Variants in NEGR1 observed in about 807,000 individuals in gnomAD.
NEGR1 encodes the protein neuronal growth regulator 1, also known as IgLON family member 4.
A neutral mutation model predicts 40.9 loss-of-function variants in NEGR1; 10 were observed. The observed-to-expected ratio is 0.24, with a 90% CI of 0.15 to 0.42. The LOEUF is 0.42. Ranked by LOEUF, NEGR1 falls within the 10% of genes least tolerant of loss-of-function variation. The pLI is 1.00. For synonymous variants in NEGR1, 185 were observed against 166.8 expected (o/e 1.11, Z -0.84); for missense variants, 352 against 438.9 (o/e 0.80, Z 1.77).
At chr1:72,079,946 T>A (rs542129429) in intron 1 of NEGR1, among the ~76,000 whole-genome samples, 21 of 152,260 alleles carry the variant, frequency 1.4e-4, no homozygotes, top group African/African-American at 4.8e-4. Flanking sequence ...AGATTATATT[T>A]GCCTATCTGA....
chr1:72,263,249 T>C (rs941532772), intron 1 of NEGR1, among the ~76,000 whole-genome samples: 5 of 151,698 alleles, frequency 3.3e-5, no homozygotes, highest in South Asian at 2.1e-4. Flanking sequence ...CACATTCATA[T>C]TAAACAGACT....
At chr1:71,933,121 C>T (rs942809082) in intron 2 of NEGR1, among the ~76,000 whole-genome samples, 2 of 152,018 alleles carry the variant, frequency 1.3e-5, no homozygotes, top group Non-Finnish European at 2.9e-5. Flanking sequence ...ACTGAAGGAA[C>T]ATTCAATAAG....
chr1:72,215,740 AAC>A lies in NEGR1; in HGVS notation c.176+66577_176+66578del. 2.0e-5 allele frequency among the ~76,000 whole-genome samples: 3 copies of A among 152,224 alleles called. No individual in the cohort carries two copies. The Middle Eastern group carries it at 0.01, about 518-fold the overall frequency. On this transcript the variant is annotated intron_variant, in intron 1 of 6. Transcript: ENST00000357731. ...GTTGGTGAGGCTGTGGAGAAATAGG[AAC>A]ACTTTTACACTCTTGGTGGGACTGT...
chr1:72,138,840 A>T (rs998093180), intron 1 of NEGR1, among the ~76,000 whole-genome samples: 1 of 151,984 alleles, frequency 6.6e-6, no homozygotes, highest in African/African-American at 2.4e-5. Flanking sequence ...ACTCTAACTC[A>T]ACCAACTTTA....
intron 2 of NEGR1, among the ~76,000 whole-genome samples, chr1:71,929,123 T>C (rs1645830304): frequency 6.6e-6 from 1 of 152,100 alleles, no homozygotes; most frequent in Non-Finnish European, 1.5e-5. Context: ...TTCTTAGAAA[T>C]GTAGCTTTGT....
intron 1 of NEGR1, among the ~76,000 whole-genome samples, chr1:72,058,558 T>C (rs1647133801): frequency 6.6e-6 from 1 of 151,684 alleles, no homozygotes; most frequent in African/African-American, 2.4e-5. Context: ...GTTTGTTTCA[T>C]GTGTACTTTT....
intron 1 of NEGR1, among the ~76,000 whole-genome samples, chr1:72,070,749 G>C (rs1647427905): frequency 6.6e-6 from 1 of 151,910 alleles, no homozygotes; most frequent in Non-Finnish European, 1.5e-5. Context: ...ACTACATTGT[G>C]GTTGTGTTTC....
chr1:71,982,645 T>G (rs779243531), intron 1 of NEGR1, among the ~76,000 whole-genome samples: 1 of 152,182 alleles, frequency 6.6e-6, no homozygotes. Context: ...ACTGATTAAC[T>G]TGGAGCAGAC....
intron 6 of NEGR1, among the ~76,000 whole-genome samples, chr1:71,423,998 C>T (rs1018045161): frequency 4.0e-5 from 6 of 151,700 alleles, no homozygotes; most frequent in East Asian, 1.9e-4. Flanking sequence ...AATGTATGTG[C>T]CTGTGCTTTG....
At chr1:71,763,224 A>T (rs1180876980) in intron 3 of NEGR1, among the ~76,000 whole-genome samples, 11 of 152,146 alleles carry the variant, frequency 7.2e-5, no homozygotes, top group Admixed American at 7.2e-4. Context: ...GATGTCATAT[A>T]TGTTATACAA....
At chr1:71,831,449 T>C (rs1658836974) in intron 2 of NEGR1, among the ~76,000 whole-genome samples, 2 of 151,992 alleles carry the variant, frequency 1.3e-5, no homozygotes, top group South Asian at 4.1e-4. Context: ...ACTTCTATTC[T>C]GGTTTAGAGT....
intron 1 of NEGR1, among the ~76,000 whole-genome samples, chr1:71,985,502 C>T (rs1197050245): frequency 6.6e-6 from 1 of 152,008 alleles, no homozygotes; most frequent in South Asian, 2.1e-4. Context: ...ACCGATAAAT[C>T]CCTCAATTGG....
chr1:71,935,053 A>C (rs1645891182), intron 2 of NEGR1, 26 bp downstream of exon 2: 1 of 1,330,482 alleles, frequency 7.5e-7, no homozygotes. Context: ...AGTCTTTCAC[A>C]ATATAGCAGT....
chr1:71,581,973 G>C (rs1649154634), intron 6 of NEGR1, among the ~76,000 whole-genome samples: 1 of 151,812 alleles, frequency 6.6e-6, no homozygotes, highest in African/African-American at 2.4e-5. Context: ...CAGAATGCTG[G>C]GATTACAGGA....
intron 1 of NEGR1, among the ~76,000 whole-genome samples, chr1:72,219,788 T>C (rs1653950347): frequency 6.6e-6 from 1 of 152,108 alleles, no homozygotes; most frequent in South Asian, 2.1e-4. Context: ...ATAACTATCT[T>C]CAATTTTAAA....
At chr1:72,040,102 C>T (rs1646938573) in intron 1 of NEGR1, among the ~76,000 whole-genome samples, 1 of 151,948 alleles carries the variant, frequency 6.6e-6, no homozygotes, top group African/African-American at 2.4e-5. Flanking sequence ...ACTTATACCA[C>T]ATATCATTAC....
At chr1:71,512,068 C>A (rs1332673846) in intron 6 of NEGR1, among the ~76,000 whole-genome samples, 2 of 152,142 alleles carry the variant, frequency 1.3e-5, no homozygotes, top group African/African-American at 2.4e-5. Context: ...TCCAGAATAT[C>A]TTGTTTAATT....
At chr1:71,581,575 G>T (rs1649134371) in intron 6 of NEGR1, among the ~76,000 whole-genome samples, 1 of 152,028 alleles carries the variant, frequency 6.6e-6, no homozygotes, top group African/African-American at 2.4e-5. Flanking sequence ...TCATGGGCTG[G>T]TTACAGATAC....
In NEGR1 at chr1:71,760,291, A is replaced by G. The variant is rs951342653; in HGVS notation, c.535+15881T>C. ...TCAAGAGGCCCATTGTTCTGGCATTATATGTGTCTTAAAATACTAGAAATT... is the reference window on the plus strand; with the variant it reads ...TCAAGAGGCCCATTGTTCTGGCATTGTATGTGTCTTAAAATACTAGAAATT... On this transcript the variant is annotated intron_variant, in intron 3 of 6. Coordinates refer to ENST00000357731, the MANE Select transcript of NEGR1 (RefSeq NM_173808.3). Among the ~76,000 whole-genome samples, 12 of 152,276 alleles carry G rather than the reference A, an allele frequency of 7.9e-5. No homozygotes were observed. The East Asian group carries it at 2.3e-3, about 29-fold the overall frequency.
Sources: allele counts gnomAD v4.1 joint callset (sites outside exome capture counted in the v4.1 genomes callset), GRCh38; gene constraint gnomAD v4.1.1; transcripts MANE v1.5; gene names NCBI Gene and HGNC (gene_info 2026-07-23, HGNC 2026-07-21).